PAK5: variants seen among roughly 807,000 people sequenced by gnomAD.
PAK5 encodes the protein p21 (RAC1) activated kinase 5, also known as serine/threonine-protein kinase PAK 5.
In PAK5, 16 loss-of-function variants were observed where a neutral mutation model predicts 65.9. The observed-to-expected ratio is 0.24, with a 90% confidence interval of 0.16 to 0.37. The LOEUF (loss-of-function observed/expected upper bound fraction) is 0.37. PAK5 is among the 10% of genes least tolerant of loss of function. PAK5 has a pLI of 1.00. For missense variants in PAK5, 785 were observed against 903.9 expected (o/e 0.87, Z 1.69); for synonymous variants, 371 against 354.9 (o/e 1.05, Z -0.51).
At chr20:9,755,791 C>T (rs1259450330) in intron 1 of PAK5, among the ~76,000 whole-genome samples, 1 of 152,186 alleles carries the variant, frequency 6.6e-6, no homozygotes, top group Non-Finnish European at 1.5e-5. Context: ...AGTGAGAAAT[C>T]CTCTTTTAAA....
chr20:9,632,395 C>G (rs1196470934), intron 3 of PAK5, among the ~76,000 whole-genome samples: 3 of 152,190 alleles, frequency 2.0e-5, no homozygotes, highest in Non-Finnish European at 1.5e-5. Context: ...TTTGAAAGCT[C>G]ACTCATTTGC....
intron 3 of PAK5, among the ~76,000 whole-genome samples, chr20:9,589,993 A>T (rs1404713754): frequency 4.7e-5 from 7 of 149,150 alleles, no homozygotes; most frequent in South Asian, 2.1e-4. Context: ...TATATTACAA[A>T]TTTTTTTTTT....
At chr20:9,836,219 G>A (rs1340110972) in intron 1 of PAK5, among the ~76,000 whole-genome samples, 1 of 152,162 alleles carries the variant, frequency 6.6e-6, no homozygotes, top group Non-Finnish European at 1.5e-5. Context: ...ATCAAACACA[G>A]TTCATAGGGA....
intron 2 of PAK5, among the ~76,000 whole-genome samples, chr20:9,700,949 C>G: frequency 6.6e-6 from 1 of 152,096 alleles, no homozygotes; most frequent in East Asian, 1.9e-4. Flanking sequence ...AAAACTCTAG[C>G]TTTCAAGCTT....
intron 1 of PAK5, among the ~76,000 whole-genome samples, chr20:9,737,430 A>G (rs1336557182): frequency 1.3e-5 from 2 of 152,224 alleles, no homozygotes; most frequent in African/African-American, 4.8e-5. Context: ...GAGAGAATTC[A>G]TCAAGACTGA....
chr20:9,666,433 G>A (rs1158005324), intron 2 of PAK5, among the ~76,000 whole-genome samples: 4 of 104,052 alleles, frequency 3.8e-5, no homozygotes, highest in Middle Eastern at 4.7e-3. Flanking sequence ...AGCAAAAGGC[G>A]GAATGAAAAA....
At chr20:9,821,790 C>T (rs1007460461) in intron 1 of PAK5, among the ~76,000 whole-genome samples, 1 of 152,210 alleles carries the variant, frequency 6.6e-6, no homozygotes, top group African/African-American at 2.4e-5. Context: ...ACATTCTCTT[C>T]TTTCTCCATG....
chr20:9,824,568 T>G (rs1427176258), intron 1 of PAK5, among the ~76,000 whole-genome samples: 1 of 152,016 alleles, frequency 6.6e-6, no homozygotes, highest in African/African-American at 2.4e-5. Context: ...CAATTTGGAG[T>G]GCACTGCAAA....
chr20:9,612,634 C>A (rs571272330), intron 3 of PAK5, among the ~76,000 whole-genome samples: 2 of 151,912 alleles, frequency 1.3e-5, no homozygotes, highest in South Asian at 4.2e-4. Flanking sequence ...GAGAACTCCA[C>A]CCCCCCGATC....
chr20:9,821,106 G>A (rs979516264), intron 1 of PAK5, among the ~76,000 whole-genome samples: 3 of 152,166 alleles, frequency 2.0e-5, no homozygotes, highest in African/African-American at 4.8e-5. Flanking sequence ...TAATGGCCAG[G>A]TGCGATGGCT....
chr20:9,587,121 A>T (rs1257098741), intron 3 of PAK5, among the ~76,000 whole-genome samples: 2 of 152,124 alleles, frequency 1.3e-5, no homozygotes, highest in Non-Finnish European at 2.9e-5. Context: ...TAGTTACTTA[A>T]CTATTGGCCA....
intron 1 of PAK5, among the ~76,000 whole-genome samples, chr20:9,776,151 A>T (rs2048885022): frequency 6.6e-6 from 1 of 152,184 alleles, no homozygotes; most frequent in Non-Finnish European, 1.5e-5. Flanking sequence ...CATTCTTGTG[A>T]AGCAGGAATA....
chr20:9,643,356 C>T (rs2047093565), intron 3 of PAK5, among the ~76,000 whole-genome samples: 1 of 152,100 alleles, frequency 6.6e-6, no homozygotes, highest in Non-Finnish European at 1.5e-5. Context: ...AACTGCAATC[C>T]CTGGATTTTC....
At chr20:9,733,735 G>A (rs749116619) in intron 1 of PAK5, among the ~76,000 whole-genome samples, 6 of 152,110 alleles carry the variant, frequency 3.9e-5, no homozygotes, top group Non-Finnish European at 7.4e-5. Flanking sequence ...GTGAGACACC[G>A]CACCTGGCTC....
At chr20:9,817,153 A>G (rs1003911784) in intron 1 of PAK5, among the ~76,000 whole-genome samples, 3 of 152,186 alleles carry the variant, frequency 2.0e-5, no homozygotes, top group Admixed American at 1.3e-4. Context: ...AAAATTAAAA[A>G]TAAAGAATTA....
chr20:9,660,465 C>T (rs1360792179), intron 2 of PAK5, among the ~76,000 whole-genome samples: 3 of 151,724 alleles, frequency 2.0e-5, no homozygotes, highest in Non-Finnish European at 4.4e-5. Context: ...AAGATCCTTA[C>T]CACCCTTATG....
chr20:9,539,191 T>A lies in PAK5; in HGVS notation c.*271A>T. ...ATATCATAACGGAGTTTGTACTGAG[T>A]CCTTCTGATTTGCTGGATGAAGGGC... is the stretch of plus-strand genomic sequence containing the variant. On this transcript the variant is annotated 3_prime_UTR_variant, in exon 10 of 10. Coordinates refer to ENST00000353224, the MANE Select transcript of PAK5 (RefSeq NM_177990.4). 1 of 357,300 alleles carries A rather than the reference T, an allele frequency of 2.8e-6. No individual in the cohort carries two copies. The highest frequency in any genetic ancestry group is 5.2e-6 in the Non-Finnish European group (1 of 191,896). 22.1% of individuals were successfully genotyped at this position (357,300 alleles called of 1,614,324 possible).
intron 1 of PAK5, among the ~76,000 whole-genome samples, chr20:9,717,643 C>A (rs1482478991): frequency 1.3e-5 from 2 of 152,124 alleles, no homozygotes; most frequent in African/African-American, 2.4e-5. Flanking sequence ...GACCAAGGAC[C>A]AAGTCTCATT....
At chr20:9,771,696 C>T (rs1441137770) in intron 1 of PAK5, among the ~76,000 whole-genome samples, 9 of 150,226 alleles carry the variant, frequency 6.0e-5, no homozygotes, top group Non-Finnish European at 8.8e-5. Flanking sequence ...GCTGGTATTA[C>T]AGGCATGAGC....
Sources: allele counts gnomAD v4.1 joint callset (sites outside exome capture counted in the v4.1 genomes callset), GRCh38; gene constraint gnomAD v4.1.1; transcripts MANE v1.5; gene names NCBI Gene and HGNC (gene_info 2026-07-23, HGNC 2026-07-21).